CFAP91: variants seen among roughly 807,000 people sequenced by gnomAD.
The protein encoded by CFAP91 is cilia- and flagella-associated protein 91.
CFAP91 carries 85 observed loss-of-function variants against 95.9 expected under a neutral mutation model. The observed-to-expected ratio is 0.89, with a 90% CI of 0.74 to 1.06. The LOEUF is 1.06. Among genes scored for constraint, CFAP91 ranks in the 50% least tolerant of loss-of-function variants. CFAP91 has a pLI of 0.00. For synonymous variants in CFAP91, 335 were observed against 327.5 expected (o/e 1.02, Z -0.25); for missense variants, 962 against 943.4 (o/e 1.02, Z -0.26).
At chr3:119,751,215 G>T in intron 17 of CFAP91, 117 bp downstream of exon 17, 1 of 1,151,220 alleles carries the variant, frequency 8.7e-7, no homozygotes. Flanking sequence ...AGAAATGGAG[G>T]ACTTCCACTT....
intron 14 of CFAP91, among the ~76,000 whole-genome samples, chr3:119,744,909 C>T (rs1243079586): frequency 6.6e-6 from 1 of 152,116 alleles, no homozygotes; most frequent in East Asian, 1.9e-4. Flanking sequence ...TCAGAACTTG[C>T]CATCCTTTAC....
chr3:119,742,048 T>C (rs185539171), intron 13 of CFAP91, among the ~76,000 whole-genome samples: 2 of 152,178 alleles, frequency 1.3e-5, no homozygotes, highest in Admixed American at 1.3e-4. Flanking sequence ...GCCCTGAGAC[T>C]GTGGATGAAA....
At chr3:119,756,360 C>T (rs1392471249) in intron 17 of CFAP91, among the ~76,000 whole-genome samples, 1 of 152,064 alleles carries the variant, frequency 6.6e-6, no homozygotes, top group African/African-American at 2.4e-5. Flanking sequence ...CAAACATATT[C>T]TTCAAGAATG....
chr3:119,708,289 C>A (rs1418688940), intron 3 of CFAP91, among the ~76,000 whole-genome samples: 1 of 148,426 alleles, frequency 6.7e-6, no homozygotes, highest in South Asian at 2.2e-4. Flanking sequence ...AAAAAATTGT[C>A]TTTTAATATT....
intron 6 of CFAP91, among the ~76,000 whole-genome samples, chr3:119,725,663 G>T (rs989123176): frequency 6.6e-5 from 10 of 152,016 alleles, no homozygotes; most frequent in Admixed American, 1.3e-4. Context: ...AGGCTGAGGT[G>T]GGGGGATCAT....
At chr3:119,727,186 CAA>C (rs1378490284) in intron 7 of CFAP91, among the ~76,000 whole-genome samples, 1 of 152,178 alleles carries the variant, frequency 6.6e-6, no homozygotes, top group African/African-American at 2.4e-5. Context: ...CCCTTACACA[CAA>C]GAGAGGGACC....
At chr3:119,748,942 T>C (rs2054274048) in intron 16 of CFAP91, among the ~76,000 whole-genome samples, 1 of 152,220 alleles carries the variant, frequency 6.6e-6, no homozygotes, top group African/African-American at 2.4e-5. Flanking sequence ...AAAAAGATTG[T>C]TCTACCAATT....
intron 5 of CFAP91, 155 bp downstream of exon 5, chr3:119,710,050 A>G (rs2053445391): frequency 3.3e-6 from 2 of 608,820 alleles, no homozygotes; most frequent in Admixed American, 6.2e-5. Context: ...CATGAGCAGC[A>G]TTTTAAAACA....
At chr3:119,725,254 G>A (rs72963200) in intron 6 of CFAP91, among the ~76,000 whole-genome samples, 1,935 of 152,280 alleles carry the variant, frequency 0.013, 40 homozygotes, top group African/African-American at 0.044. Context: ...GGAGGCATAC[G>A]TTGGCTTAGG....
At chr3:119,731,598 A>C (rs1271968482) in intron 8 of CFAP91, among the ~76,000 whole-genome samples, 1 of 152,238 alleles carries the variant, frequency 6.6e-6, no homozygotes, top group Non-Finnish European at 1.5e-5. Flanking sequence ...AAACATAAAC[A>C]ATATCCCCAA....
At chr3:119,748,755 T>A (rs552214747) in intron 16 of CFAP91, among the ~76,000 whole-genome samples, 28 of 152,214 alleles carry the variant, frequency 1.8e-4, no homozygotes, top group Non-Finnish European at 3.1e-4. Context: ...CAGTACCCCC[T>A]AAGGATAAGC....
intron 16 of CFAP91, chr3:119,750,619 C>T (rs1054078182): frequency 3.5e-4 from 119 of 341,572 alleles, no homozygotes; most frequent in Middle Eastern, 2.7e-3. Flanking sequence ...AACTCAAGTG[C>T]GGTAAGTGGT....
At chr3:119,743,887 C>A (rs2054168227) in intron 13 of CFAP91, 88 bp from the exon 14 acceptor site, 2 of 1,179,102 alleles carry the variant, frequency 1.7e-6, no homozygotes, top group Non-Finnish European at 2.3e-6. Flanking sequence ...AATTGACTGC[C>A]AAGAGTTTTG....
intron 16 of CFAP91, chr3:119,750,398 G>A (rs78841649): frequency 0.011 from 1,765 of 158,780 alleles, 28 homozygotes; most frequent in East Asian, 0.079. Context: ...TACCCTGATA[G>A]TGAATATTCT....
At position 119,703,133 on chromosome 3, in the gene CFAP91, C is replaced by T. The variant is rs940828533; in HGVS notation, c.35C>T (p.Ala12Val). ...GCAGTAACCATCGAGGAGCCCCAGG[C>T]CCAGCCGCAGGTGTCTCAAACTCGG... is the stretch of plus-strand genomic sequence containing the variant. The part of the protein sequence containing the change: ...SHAVTIEEPQ[A>V]QPQVSQTRYR... Residue 12 changes from alanine (A) to valine (V), a missense_variant, in exon 1 of 18, where the codon GCC (alanine) becomes GTC (valine). Physicochemically the swap from Ala to Val is moderately conservative, Grantham distance 64 (BLOSUM62 0). Transcript: ENST00000273390. The T allele has an allele frequency of 6.3e-7, 1 of 1,577,690 alleles. No homozygotes were observed. The highest frequency in any genetic ancestry group is 1.3e-5 in the African/African-American group (1 of 74,228).
At chr3:119,730,171 T>G (rs1401571208) in intron 7 of CFAP91, 49 bp from the exon 8 acceptor site, 1 of 1,576,176 alleles carries the variant, frequency 6.3e-7, no homozygotes, top group African/African-American at 1.4e-5. Flanking sequence ...TCCCTTGCCC[T>G]CTGTTTGAGA....
chr3:119,742,417 G>T (rs1310938871), intron 13 of CFAP91, among the ~76,000 whole-genome samples: 1 of 152,190 alleles, frequency 6.6e-6, no homozygotes, highest in Non-Finnish European at 1.5e-5. Flanking sequence ...TACTTTCTGT[G>T]ACTACAGTGG....
At chr3:119,758,143 G>T (rs141754775) in intron 17 of CFAP91, among the ~76,000 whole-genome samples, 74 of 152,250 alleles carry the variant, frequency 4.9e-4, no homozygotes, top group African/African-American at 1.8e-3. Flanking sequence ...ATTCAGAGTG[G>T]TAAAGTTTCA....
intron 17 of CFAP91, among the ~76,000 whole-genome samples, chr3:119,754,840 A>C (rs578179710): frequency 6.6e-6 from 1 of 152,302 alleles, no homozygotes; most frequent in African/African-American, 2.4e-5. Context: ...GGGGCATTGT[A>C]GAGTCAAAGG....
Sources: gnomAD v4.1 joint callset for allele counts (sites outside exome capture counted in the v4.1 genomes callset) on GRCh38, gnomAD v4.1.1 for gene constraint, MANE v1.5 for transcripts, NCBI Gene and HGNC (gene_info 2026-07-23, HGNC 2026-07-21) for gene names.